The following MAF variants were observed in gnomAD, a reference collection of about 807,000 sequenced individuals.
MAF encodes transcription factor Maf.
MAF carries 10 observed loss-of-function variants against 22.0 expected under a neutral mutation model. The ratio of observed to expected loss-of-function variants is 0.45; its 90% CI spans 0.28 to 0.77. The LOEUF (loss-of-function observed/expected upper bound fraction) is 0.77. MAF is among the 30% of genes least tolerant of loss of function. MAF has a pLI of 0.12. For missense variants in MAF, 544 were observed against 548.4 expected, an observed-to-expected ratio of 0.99 and a Z score of 0.08; for synonymous variants, 337 against 255.8, an observed-to-expected ratio of 1.32 and a Z score of -3.03.
At chr16:79,402,225 G>C in the MAF span, among the ~76,000 whole-genome samples, 1 of 152,190 alleles carries the variant, frequency 6.6e-6, no homozygotes, top group East Asian at 1.9e-4. Flanking sequence ...AGCAAGTGAG[G>C]ATTAAATAAG....
chr16:79,333,491 T>A, the MAF span, among the ~76,000 whole-genome samples: 1 of 152,192 alleles, frequency 6.6e-6, no homozygotes, highest in Non-Finnish European at 1.5e-5. Flanking sequence ...GCCCATAGGA[T>A]GTGCCAACAC....
the MAF span, among the ~76,000 whole-genome samples, chr16:79,523,499 T>C: frequency 2.6e-5 from 4 of 152,218 alleles, no homozygotes; most frequent in African/African-American, 9.6e-5. Flanking sequence ...CATTCTAAAA[T>C]ATTTACTGCT....
At chr16:79,211,687 G>C in the MAF span, 3 of 1,614,210 alleles carry the variant, frequency 1.9e-6, no homozygotes, top group South Asian at 2.2e-5. Flanking sequence ...TTCAACAACT[G>C]CTGCCGCTGC....
chr16:79,241,686 C>T, the MAF span, among the ~76,000 whole-genome samples: 11 of 152,054 alleles, frequency 7.2e-5, no homozygotes, highest in East Asian at 1.9e-4. Context: ...TCAGGAAATA[C>T]GGACAACGCC....
chr16:79,364,101 G>T, the MAF span, among the ~76,000 whole-genome samples: 1 of 152,188 alleles, frequency 6.6e-6, no homozygotes. Context: ...GATAAGGATA[G>T]GAAATTTGGT....
chr16:79,375,101 G>T, the MAF span, among the ~76,000 whole-genome samples: 5 of 152,192 alleles, frequency 3.3e-5, no homozygotes, highest in Non-Finnish European at 7.3e-5. Flanking sequence ...ATGGAGGAAT[G>T]AATGAATAAA....
chr16:79,450,910 A>G, the MAF span, among the ~76,000 whole-genome samples: 12 of 152,164 alleles, frequency 7.9e-5, no homozygotes, highest in Non-Finnish European at 1.5e-4. Context: ...GAAAAACTCT[A>G]TTTATTACCA....
chr16:79,530,727 G>A, the MAF span, among the ~76,000 whole-genome samples: 27 of 152,222 alleles, frequency 1.8e-4, no homozygotes, highest in African/African-American at 6.3e-4. Context: ...CTAATGGATT[G>A]TTTTTATAAT....
the MAF span, among the ~76,000 whole-genome samples, chr16:79,311,524 C>T: frequency 1.5e-4 from 22 of 150,582 alleles, no homozygotes; most frequent in Non-Finnish European, 4.4e-5. Context: ...AACATTATGT[C>T]TGCCCTCAGC....
the MAF span, among the ~76,000 whole-genome samples, chr16:79,278,211 C>A: frequency 6.6e-6 from 1 of 152,206 alleles, no homozygotes; most frequent in African/African-American, 2.4e-5. Flanking sequence ...CAGCTGACAG[C>A]CATCCTTTGC....
the MAF span, among the ~76,000 whole-genome samples, chr16:79,580,451 G>C: frequency 6.6e-6 from 1 of 152,200 alleles, no homozygotes; most frequent in Non-Finnish European, 1.5e-5. Flanking sequence ...GATGAGGAGA[G>C]GCTGAAAGCA....
chr16:79,243,870 G>A, the MAF span, among the ~76,000 whole-genome samples: 4 of 152,128 alleles, frequency 2.6e-5, no homozygotes, highest in East Asian at 3.9e-4. Flanking sequence ...TGCCAACCAC[G>A]ATCAAGTCAG....
chr16:79,421,085 A>G, the MAF span, among the ~76,000 whole-genome samples: 3 of 152,176 alleles, frequency 2.0e-5, no homozygotes, highest in African/African-American at 7.2e-5. Context: ...ATATATTAAT[A>G]TAACTGTTCT....
the MAF span, among the ~76,000 whole-genome samples, chr16:79,487,162 C>T: frequency 0.034 from 5,087 of 150,182 alleles, 92 homozygotes; most frequent in South Asian, 0.055. Flanking sequence ...ATAGAACCTC[C>T]AGATTTTAAT....
the MAF span, among the ~76,000 whole-genome samples, chr16:79,295,765 A>G: frequency 2.6e-5 from 4 of 152,360 alleles, no homozygotes; most frequent in African/African-American, 9.6e-5. Context: ...TGTCAGGCAC[A>G]GTGGTAAGTG....
At chr16:79,491,486 T>C in the MAF span, among the ~76,000 whole-genome samples, 1 of 152,156 alleles carries the variant, frequency 6.6e-6, no homozygotes, top group Non-Finnish European at 1.5e-5. Flanking sequence ...CAGTCAATTC[T>C]GAAGCTGTCA....
the MAF span, among the ~76,000 whole-genome samples, chr16:79,289,704 G>A: frequency 1.3e-5 from 2 of 152,068 alleles, no homozygotes; most frequent in African/African-American, 4.8e-5. Context: ...GGAAACTGTG[G>A]CTGAGAGAAG....
chr16:79,531,420 T>C, the MAF span, among the ~76,000 whole-genome samples: 1 of 152,120 alleles, frequency 6.6e-6, no homozygotes, highest in African/African-American at 2.4e-5. Flanking sequence ...TTCCAGATGA[T>C]TCAAACACAT....
At chr16:79,390,275 GATTATT>G in the MAF span, among the ~76,000 whole-genome samples, 9 of 151,894 alleles carry the variant, frequency 5.9e-5, no homozygotes, top group South Asian at 2.1e-4. Context: ...ACTGTCTGTG[GATTATT>G]ATTATTATTA....
Sources: allele counts gnomAD v4.1 joint callset (sites outside exome capture counted in the v4.1 genomes callset), GRCh38; gene constraint gnomAD v4.1.1; transcripts MANE v1.5; gene names NCBI Gene and HGNC (gene_info 2026-07-23, HGNC 2026-07-21).